Variants in CA10 observed in about 807,000 individuals in gnomAD.
CA10 encodes carbonic anhydrase 10 (inactive), also known as carbonic anhydrase-related protein 10.
CA10 carries 14 observed loss-of-function variants against 44.2 expected under a neutral mutation model. The ratio of observed to expected loss-of-function variants is 0.32; its 90% confidence interval spans 0.21 to 0.50. The LOEUF (loss-of-function observed/expected upper bound fraction) is 0.50. Ranked by LOEUF, CA10 falls within the 20% of genes least tolerant of loss-of-function variation. The pLI, the probability that CA10 is intolerant of heterozygous loss-of-function variation, is 0.99. For missense variants in CA10, 350 were observed against 409.7 expected, an observed-to-expected ratio of 0.85 and a Z score of 1.26; for synonymous variants, 159 against 141.6, an observed-to-expected ratio of 1.12 and a Z score of -0.87.
chr17:51,817,639 G>A (rs752312077), intron 3 of CA10, among the ~76,000 whole-genome samples: 4 of 152,066 alleles, frequency 2.6e-5, no homozygotes, highest in East Asian at 3.9e-4. Flanking sequence ...TAACTGTATC[G>A]ATGCATACAT....
At chr17:51,845,423 G>T (rs1978449720) in intron 3 of CA10, among the ~76,000 whole-genome samples, 1 of 152,206 alleles carries the variant, frequency 6.6e-6, no homozygotes, top group South Asian at 2.1e-4. Context: ...CCATGTGAGT[G>T]AGCCATCTTG....
chr17:51,969,583 C>T (rs1984205868), intron 2 of CA10, among the ~76,000 whole-genome samples: 1 of 151,988 alleles, frequency 6.6e-6, no homozygotes, highest in Non-Finnish European at 1.5e-5. Context: ...CCCTAATCTG[C>T]TATGTTGAAT....
intron 2 of CA10, among the ~76,000 whole-genome samples, chr17:51,965,421 TA>T (rs1456836936): frequency 1.3e-5 from 2 of 150,190 alleles, no homozygotes; most frequent in Non-Finnish European, 3.0e-5. Flanking sequence ...TAAAGACAAT[TA>T]AAAAAAACCT....
intron 3 of CA10, among the ~76,000 whole-genome samples, chr17:51,825,322 G>T (rs7225582): frequency 0.059 from 8,980 of 151,640 alleles, 747 homozygotes; most frequent in African/African-American, 0.19. Context: ...TTTTAACTCT[G>T]CTGGGACCAT....
intron 3 of CA10, among the ~76,000 whole-genome samples, chr17:51,906,281 T>TC (rs979164654): frequency 4.6e-5 from 7 of 152,140 alleles, no homozygotes; most frequent in Admixed American, 1.3e-4. Flanking sequence ...AGCAGGTTTT[T>TC]CCCCCCGGTA....
chr17:51,831,555 A>G (rs1458838030), intron 3 of CA10, among the ~76,000 whole-genome samples: 1 of 152,138 alleles, frequency 6.6e-6, no homozygotes, highest in Non-Finnish European at 1.5e-5. Context: ...GACCAATAAG[A>G]CTATCAATGG....
intron 6 of CA10, among the ~76,000 whole-genome samples, chr17:51,640,980 C>T (rs1913055729): frequency 6.6e-6 from 1 of 151,970 alleles, no homozygotes; most frequent in South Asian, 2.1e-4. Context: ...AACAAAGATG[C>T]AAATTTGGGG....
intron 4 of CA10, among the ~76,000 whole-genome samples, chr17:51,744,176 G>A (rs1158639641): frequency 2.1e-4 from 32 of 152,016 alleles, no homozygotes; most frequent in Admixed American, 2.1e-3. Flanking sequence ...TTAGCCAGGT[G>A]TGGTGGTGCA....
chr17:51,731,371 G>C (rs115022123), intron 4 of CA10, among the ~76,000 whole-genome samples: 1 of 151,914 alleles, frequency 6.6e-6, no homozygotes, highest in African/African-American at 2.4e-5. Context: ...ACGAGACTCC[G>C]TCTCAAGAAA....
chr17:51,938,250 G>T (rs1279900540), intron 2 of CA10, among the ~76,000 whole-genome samples: 1 of 152,076 alleles, frequency 6.6e-6, no homozygotes, highest in Non-Finnish European at 1.5e-5. Context: ...CTATAATAAG[G>T]ATTTAAAACA....
At chr17:51,677,612 T>A (rs1280929064) in intron 4 of CA10, among the ~76,000 whole-genome samples, 1 of 152,056 alleles carries the variant, frequency 6.6e-6, no homozygotes, top group Non-Finnish European at 1.5e-5. Context: ...TAATCATTGC[T>A]GATAATTAAA....
intron 3 of CA10, among the ~76,000 whole-genome samples, chr17:51,840,283 A>G (rs1978308294): frequency 6.6e-6 from 1 of 152,180 alleles, no homozygotes; most frequent in African/African-American, 2.4e-5. Flanking sequence ...AGGCTTTACC[A>G]CAGAGCTCAT....
In CA10 at chr17:51,649,332, C is replaced by A. The variant is rs149837877; in HGVS notation, c.562-78G>T. 273 of 1,052,008 alleles carry A rather than the reference C, an allele frequency of 2.6e-4. No individual in the cohort carries two copies. In the African/African-American group the frequency reaches 4.0e-3, roughly 15 times the overall value. 65.2% of individuals were successfully genotyped at this position (1,052,008 alleles called of 1,614,324 possible). A position where few individuals can be genotyped will look rare whatever the true frequency, so the allele number is the denominator to read the frequency against. On this transcript the variant is annotated intron_variant, in intron 5 of 8. Coordinates refer to ENST00000451037, the MANE Select transcript of CA10 (RefSeq NM_020178.5). Reference sequence around the variant, plus strand: ...CATCTCCCCGTGACATTCACTTATTCATTCATAGTTACTGAGTATCTACCA... The same window carrying A: ...CATCTCCCCGTGACATTCACTTATTAATTCATAGTTACTGAGTATCTACCA...
In CA10 at chr17:51,635,886, A is replaced by G. The variant is rs1912804214; in HGVS notation, c.758T>C (p.Met253Thr). The G allele has an allele frequency of 1.9e-6, 3 of 1,608,424 alleles. No individual in the cohort carries two copies. In the Admixed American group the frequency reaches 5.0e-5, roughly 27 times the overall value. ...CCTGGTTATATAGACAGGTTTGTTC[A>G]TTATGATCCAACTTGCTGTCTCATA... Reference protein sequence around the residue: ...PCYETASWIIMNKPVYITRMQ... With the variant: ...PCYETASWIITNKPVYITRMQ... Residue 253 changes from methionine (M) to threonine (T), a missense_variant, in exon 7 of 9, where the codon ATG (methionine) becomes ACG (threonine). Physicochemically the swap from Met to Thr is moderately conservative, Grantham distance 81 (BLOSUM62 -1). Coordinates refer to ENST00000451037, the MANE Select transcript of CA10 (RefSeq NM_020178.5).
intron 3 of CA10, among the ~76,000 whole-genome samples, chr17:51,894,547 A>AT: frequency 6.6e-6 from 1 of 152,026 alleles, no homozygotes; most frequent in East Asian, 1.9e-4. Flanking sequence ...TGGAGATACA[A>AT]TTTTTTTCAT....
intron 3 of CA10, among the ~76,000 whole-genome samples, chr17:51,898,549 A>G (rs1981172959): frequency 6.6e-6 from 1 of 151,926 alleles, no homozygotes. Context: ...GTTTGGTCAG[A>G]ATGATGCTTG....
intron 4 of CA10, among the ~76,000 whole-genome samples, chr17:51,685,416 G>T (rs907989708): frequency 2.0e-5 from 3 of 152,262 alleles, no homozygotes; most frequent in Non-Finnish European, 4.4e-5. Context: ...AGCCCCTTGT[G>T]TCTCCTCCTA....
At chr17:51,741,964 A>G (rs1904478090) in intron 4 of CA10, among the ~76,000 whole-genome samples, 1 of 152,224 alleles carries the variant, frequency 6.6e-6, no homozygotes, top group Non-Finnish European at 1.5e-5. Flanking sequence ...TGCAAGCTGC[A>G]TGTGGTCGGT....
intron 2 of CA10, among the ~76,000 whole-genome samples, chr17:52,056,977 T>C (rs184159739): frequency 5.9e-5 from 9 of 152,218 alleles, no homozygotes; most frequent in Admixed American, 1.3e-4. Flanking sequence ...CAACAGCGAT[T>C]AGAGACACGA....
Sources: allele counts gnomAD v4.1 joint callset (sites outside exome capture counted in the v4.1 genomes callset), GRCh38; gene constraint gnomAD v4.1.1; transcripts MANE v1.5; gene names NCBI Gene and HGNC (gene_info 2026-07-23, HGNC 2026-07-21).